The following KCNIP1 variants were observed in gnomAD, a reference collection of about 807,000 sequenced individuals.
KCNIP1 encodes A-type potassium channel modulatory protein KCNIP1.
Under a neutral mutation model 33.0 loss-of-function variants are expected in KCNIP1, and 18 were observed. The ratio of observed to expected loss-of-function variants is 0.55; its 90% CI spans 0.38 to 0.81. KCNIP1 has a LOEUF of 0.81. Ranked by LOEUF, KCNIP1 falls within the 30% of genes least tolerant of loss-of-function variation. KCNIP1 has a pLI of 0.00. For missense variants in KCNIP1, 238 were observed against 271.6 expected (o/e 0.88, Z 0.87); for synonymous variants, 93 against 98.3 (o/e 0.95, Z 0.32).
At chr5:170,520,742 A>G (rs1403947343) in intron 1 of KCNIP1, among the ~76,000 whole-genome samples, 2 of 152,168 alleles carry the variant, frequency 1.3e-5, no homozygotes, top group African/African-American at 2.4e-5. Flanking sequence ...TGCTATGTCA[A>G]TTTCAGCAGC....
intron 1 of KCNIP1, among the ~76,000 whole-genome samples, chr5:170,677,637 G>T (rs937551551): frequency 2.0e-4 from 30 of 152,110 alleles, no homozygotes; most frequent in African/African-American, 7.2e-4. Flanking sequence ...CATTTGTCAA[G>T]ATGCAAGGAC....
intron 1 of KCNIP1, among the ~76,000 whole-genome samples, chr5:170,670,915 A>AAAAAAAAAAAT (rs1761896567): frequency 7.2e-6 from 1 of 138,812 alleles, no homozygotes. Context: ...AAAAAAAAAT[A>AAAAAAAAAAAT]AAAAAAAAAG....
At chr5:170,514,261 C>A (rs1440852853) in intron 1 of KCNIP1, among the ~76,000 whole-genome samples, 1 of 152,214 alleles carries the variant, frequency 6.6e-6, no homozygotes, top group East Asian at 1.9e-4. Flanking sequence ...TCCCAGCTGC[C>A]TGGGGGAAGC....
chr5:170,365,609 A>G (rs1763639322), intron 1 of KCNIP1, among the ~76,000 whole-genome samples: 1 of 152,208 alleles, frequency 6.6e-6, no homozygotes, highest in Admixed American at 6.5e-5. Context: ...TGAAGTGAGC[A>G]GTCACCAGCG....
chr5:170,513,862 G>T (rs1398853652), intron 1 of KCNIP1, among the ~76,000 whole-genome samples: 3 of 152,204 alleles, frequency 2.0e-5, no homozygotes, highest in Admixed American at 1.3e-4. Flanking sequence ...TTTCCAGGGG[G>T]TCTAGTAGGA....
chr5:170,668,706 G>A (rs1581473566), intron 1 of KCNIP1, among the ~76,000 whole-genome samples: 3 of 152,264 alleles, frequency 2.0e-5, no homozygotes, highest in South Asian at 4.2e-4. Context: ...TAATCTCTTC[G>A]AGACACTAAT....
intron 5 of KCNIP1, among the ~76,000 whole-genome samples, chr5:170,724,083 G>C (rs1763926383): frequency 1.3e-5 from 2 of 152,084 alleles, no homozygotes; most frequent in Admixed American, 1.3e-4. Context: ...AGACACAAAA[G>C]GCAAAAACAG....
chr5:170,417,655 G>A (rs966819349), intron 1 of KCNIP1, among the ~76,000 whole-genome samples: 2 of 152,152 alleles, frequency 1.3e-5, no homozygotes, highest in Admixed American at 1.3e-4. Context: ...TGGGTATACA[G>A]ATAGTAAAAG....
chr5:170,545,310 TTTG>T (rs1756370951), intron 1 of KCNIP1, among the ~76,000 whole-genome samples: 1 of 152,216 alleles, frequency 6.6e-6, no homozygotes, highest in South Asian at 2.1e-4. Flanking sequence ...TCTCTTTACC[TTTG>T]TTTTCGGCAT....
chr5:170,683,260 A>G (rs936209218), intron 1 of KCNIP1, among the ~76,000 whole-genome samples: 1 of 152,224 alleles, frequency 6.6e-6, no homozygotes, highest in Non-Finnish European at 1.5e-5. Flanking sequence ...CCTCAAAATA[A>G]TGCTCTAAGG....
intron 1 of KCNIP1, among the ~76,000 whole-genome samples, chr5:170,406,440 T>G (rs573989529): frequency 6.6e-6 from 1 of 152,288 alleles, no homozygotes; most frequent in Non-Finnish European, 1.5e-5. Context: ...TGTGCCTTGG[T>G]TTTTCCATCT....
At chr5:170,435,621 G>C (rs935306032) in intron 1 of KCNIP1, among the ~76,000 whole-genome samples, 3 of 152,178 alleles carry the variant, frequency 2.0e-5, no homozygotes, top group Non-Finnish European at 4.4e-5. Context: ...AAGAGGACAG[G>C]GCCATGCTTA....
chr5:170,589,738 G>GTGTGATGTGA (rs1471081448), intron 1 of KCNIP1, among the ~76,000 whole-genome samples: 108 of 109,032 alleles, frequency 9.9e-4, no homozygotes, highest in Non-Finnish European at 1.4e-3. Flanking sequence ...GTGTGGTGTG[G>GTGTGATGTGA]TGTGGTGTGG....
intron 1 of KCNIP1, among the ~76,000 whole-genome samples, chr5:170,616,304 C>T (rs533287612): frequency 1.7e-5 from 1 of 58,272 alleles, no homozygotes; most frequent in East Asian, 5.4e-4. Context: ...TTTCTGAGCA[C>T]CTACCCTGGG....
intron 1 of KCNIP1, among the ~76,000 whole-genome samples, chr5:170,667,981 C>T (rs556282163): frequency 6.6e-6 from 1 of 152,192 alleles, no homozygotes; most frequent in South Asian, 2.1e-4. Context: ...CCAATGGGCT[C>T]ATACGTCCAT....
chr5:170,681,943 G>T (rs751133969), intron 1 of KCNIP1, among the ~76,000 whole-genome samples: 33 of 152,268 alleles, frequency 2.2e-4, no homozygotes, highest in Non-Finnish European at 4.0e-4. Flanking sequence ...AATTTCATGA[G>T]CAATTGGGCT....
intron 1 of KCNIP1, among the ~76,000 whole-genome samples, chr5:170,604,457 G>T: frequency 6.6e-6 from 1 of 152,162 alleles, no homozygotes; most frequent in East Asian, 1.9e-4. Flanking sequence ...CACTGAGGCT[G>T]AGCAGAACAT....
chr5:170,696,182 T>C (rs565272549), intron 1 of KCNIP1, among the ~76,000 whole-genome samples: 2 of 152,310 alleles, frequency 1.3e-5, no homozygotes, highest in Admixed American at 1.3e-4. Flanking sequence ...TTCTGGTTTT[T>C]CCTTCATACA....
intron 1 of KCNIP1, among the ~76,000 whole-genome samples, chr5:170,572,718 GC>G (rs1240326201): frequency 6.6e-6 from 1 of 152,204 alleles, no homozygotes; most frequent in Non-Finnish European, 1.5e-5. Flanking sequence ...AAGCTCTGGG[GC>G]GGGGCTGATG....
Sources: allele counts gnomAD v4.1 joint callset (sites outside exome capture counted in the v4.1 genomes callset), GRCh38; gene constraint gnomAD v4.1.1; transcripts MANE v1.5; gene names NCBI Gene and HGNC (gene_info 2026-07-23, HGNC 2026-07-21).